Variants in DPYS observed in about 807,000 individuals in gnomAD.
The protein encoded by DPYS is dihydropyrimidinase.
A neutral mutation model predicts 50.3 loss-of-function variants in DPYS; 39 were observed. The ratio of observed to expected loss-of-function variants is 0.78; its 90% CI spans 0.60 to 1.01. DPYS has a LOEUF of 1.01. Among genes scored for constraint, DPYS ranks in the 50% least tolerant of loss-of-function variants. DPYS has a pLI of 0.00. For missense variants in DPYS, 659 were observed against 680.9 expected (o/e 0.97, Z 0.36); for synonymous variants, 245 against 250.7 (o/e 0.98, Z 0.22).
intron 4 of DPYS, among the ~76,000 whole-genome samples, chr8:104,440,514 C>T (rs539707863): frequency 6.6e-6 from 1 of 152,262 alleles, no homozygotes; most frequent in African/African-American, 2.4e-5. Flanking sequence ...ATCCACCCGC[C>T]CCGGCCTCCC....
intron 1 of DPYS, among the ~76,000 whole-genome samples, chr8:104,453,930 A>C (rs137903618): frequency 6.6e-6 from 1 of 152,238 alleles, no homozygotes; most frequent in Non-Finnish European, 1.5e-5. Flanking sequence ...CTAAGTGAGA[A>C]AAGCTAGTCA....
At chr8:104,393,916 G>A (rs969953385) in intron 7 of DPYS, among the ~76,000 whole-genome samples, 1 of 152,138 alleles carries the variant, frequency 6.6e-6, no homozygotes, top group Non-Finnish European at 1.5e-5. Context: ...CCCAAACAGT[G>A]TACGCTGAAC....
intron 1 of DPYS, among the ~76,000 whole-genome samples, chr8:104,455,424 G>C (rs1014212459): frequency 1.3e-5 from 2 of 152,208 alleles, no homozygotes; most frequent in Non-Finnish European, 2.9e-5. Context: ...GTTGCGAAGG[G>C]AGTCAGGTGA....
chr8:104,388,614 A>T lies in DPYS; in HGVS notation c.1443+4170T>A, dbSNP rs148667981. Among the ~76,000 whole-genome samples, 81 of 152,244 alleles carry T rather than the reference A, an allele frequency of 5.3e-4. 1 individual carries two copies. Among genetic ancestry groups the T allele is most frequent in the East Asian group, 4.4e-3 (23 of 5,184 alleles). ...TTTTCTTTTGCTTTTCTTTCCTTAA[A>T]CAACTTTTATATGAAGTTGAAGTTG... On this transcript the variant is annotated intron_variant, in intron 8 of 9. Coordinates refer to ENST00000351513, the MANE Select transcript of DPYS (RefSeq NM_001385.3).
At chr8:104,409,700 T>C (rs1812110310) in intron 7 of DPYS, among the ~76,000 whole-genome samples, 1 of 152,194 alleles carries the variant, frequency 6.6e-6, no homozygotes, top group Admixed American at 6.5e-5. Flanking sequence ...TATCACTTGA[T>C]ACATGATCAT....
chr8:104,434,165 G>GT (rs998005985), intron 4 of DPYS, among the ~76,000 whole-genome samples: 403 of 1,072 alleles, frequency 0.38, 2 homozygotes, highest in African/African-American at 0.47. Flanking sequence ...ATAGGTAGAT[G>GT]TCAAATTTTC....
chr8:104,384,266 C>A (rs572719868), intron 8 of DPYS, among the ~76,000 whole-genome samples: 10 of 152,340 alleles, frequency 6.6e-5, no homozygotes, highest in Admixed American at 1.3e-4. Flanking sequence ...AGCCTCTCAG[C>A]CCTTTTAACC....
At position 104,447,515 on chromosome 8, in the gene DPYS, C is replaced by G. The variant is rs1813578840; in HGVS notation, c.424-12G>C. 6.2e-7 allele frequency: 1 copy of G among 1,613,870 alleles called. No homozygotes were observed. Among genetic ancestry groups the G allele is most frequent in the South Asian group, 1.1e-5 (1 of 91,056 alleles). ...ATTTCTTCTTTAACCTAAAAGGAAG[C>G]AGCAACCATAACAACAATATGTTAC... On this transcript the variant is annotated splice_polypyrimidine_tract_variant and intron_variant, in intron 2 of 9. Coordinates refer to ENST00000351513, the MANE Select transcript of DPYS (RefSeq NM_001385.3).
At chr8:104,388,144 G>A (rs376788927) in intron 8 of DPYS, among the ~76,000 whole-genome samples, 10 of 152,132 alleles carry the variant, frequency 6.6e-5, no homozygotes, top group African/African-American at 2.4e-4. Flanking sequence ...TTGACAAATG[G>A]TTATTTCAGA....
At chr8:104,454,730 A>G (rs971255366) in intron 1 of DPYS, among the ~76,000 whole-genome samples, 2 of 152,216 alleles carry the variant, frequency 1.3e-5, no homozygotes, top group African/African-American at 4.8e-5. Flanking sequence ...TGCTAAAGGG[A>G]GGTAAAATTT....
At chr8:104,399,309 A>C (rs1196150607) in intron 7 of DPYS, among the ~76,000 whole-genome samples, 399 of 35,856 alleles carry the variant, frequency 0.011, 26 homozygotes, top group South Asian at 0.068. Flanking sequence ...AAAAAAAAAA[A>C]ACAACAACAA....
In DPYS at chr8:104,428,253, G is replaced by GT; in HGVS notation, c.951-133dup. 3 of 1,190,410 alleles carry GT rather than the reference G, an allele frequency of 2.5e-6. No homozygotes were observed. The South Asian group carries it at 3.8e-5, about 15-fold the overall frequency. The allele number at this position is 1,190,410 out of a possible 1,614,324, so 73.7% of individuals were successfully genotyped here. ...AGAAAAATCCAATGGAGAATGAGCA[G>GT]TTTTTTCAAGAACATATTTCATCCC... On this transcript the variant is annotated intron_variant, in intron 5 of 9. Coordinates refer to ENST00000351513, the MANE Select transcript of DPYS (RefSeq NM_001385.3).
intron 7 of DPYS, among the ~76,000 whole-genome samples, chr8:104,417,292 T>C (rs567064880): frequency 1.2e-4 from 19 of 152,368 alleles, no homozygotes; most frequent in Admixed American, 6.5e-4. Flanking sequence ...AACTAAGTGC[T>C]ATTTAATGAA....
Position 104,466,908 on chromosome 8 carries a change from AG to A in DPYS, c.12del (p.Ser5ArgfsTer4), listed in dbSNP as rs1398897255. 6.8e-7 allele frequency: 1 copy of A among 1,473,496 alleles called. No homozygotes were observed. The highest frequency in any genetic ancestry group is 1.3e-5 in the South Asian group (1 of 79,256). 91.3% of individuals were successfully genotyped at this position (1,473,496 alleles called of 1,614,324 possible). On this transcript the variant is annotated frameshift_variant, in exon 1 of 10. Transcript: ENST00000351513. LOFTEE classifies it high-confidence loss of function. MAAPSRLLIRGGRV... is the reference protein window; with the variant it reads MAAXSRLLIRGGRV... ...CGACCCCCGCGGATCAGGAGCCGCG[AG>A]GGCGCCGCCATAGCGAGGGGCGCGC...
At chr8:104,406,840 TACACACACACAG>T (rs995705913) in intron 7 of DPYS, among the ~76,000 whole-genome samples, 1 of 152,008 alleles carries the variant, frequency 6.6e-6, no homozygotes, top group African/African-American at 2.4e-5. Flanking sequence ...CACACACACA[TACACACACACAG>T]ACATCCAAGT....
At chr8:104,458,958 A>G (rs1393500038) in intron 1 of DPYS, among the ~76,000 whole-genome samples, 1 of 152,156 alleles carries the variant, frequency 6.6e-6, no homozygotes, top group African/African-American at 2.4e-5. Context: ...AAATGATTAC[A>G]TTTTGTTTTA....
At chr8:104,388,054 T>C (rs1178521034) in intron 8 of DPYS, among the ~76,000 whole-genome samples, 1 of 152,208 alleles carries the variant, frequency 6.6e-6, no homozygotes, top group Non-Finnish European at 1.5e-5. Context: ...TTGGTAGTGA[T>C]TAACCTGAAG....
At chr8:104,401,772 A>T (rs1811817859) in intron 7 of DPYS, among the ~76,000 whole-genome samples, 1 of 152,202 alleles carries the variant, frequency 6.6e-6, no homozygotes, top group Admixed American at 6.5e-5. Context: ...GTGACAAGTT[A>T]TATAAATGGG....
chr8:104,406,449 T>G (rs1001529311), intron 7 of DPYS, among the ~76,000 whole-genome samples: 6 of 152,308 alleles, frequency 3.9e-5, no homozygotes, highest in African/African-American at 1.4e-4. Context: ...TTTGCAATGC[T>G]CCACCTTCCC....
Sources: allele counts gnomAD v4.1 joint callset (sites outside exome capture counted in the v4.1 genomes callset), GRCh38; gene constraint gnomAD v4.1.1; transcripts MANE v1.5; gene names NCBI Gene and HGNC (gene_info 2026-07-23, HGNC 2026-07-21).